NKAIN3: variants seen among roughly 807,000 people sequenced by gnomAD.
NKAIN3 encodes sodium/potassium-transporting ATPase subunit beta-1-interacting protein 3.
In NKAIN3, 25 loss-of-function variants were observed where a neutral mutation model predicts 30.2. The observed-to-expected ratio is 0.83, with a 90% CI of 0.60 to 1.16. The LOEUF (loss-of-function observed/expected upper bound fraction) is 1.16, where lower values mean the gene tolerates loss of function less well. Among genes scored for constraint, NKAIN3 ranks in the 50% most tolerant of loss-of-function variants. The pLI, the probability that NKAIN3 is intolerant of heterozygous loss-of-function variation, is 0.00. For missense variants in NKAIN3, 225 were observed against 254.1 expected (o/e 0.89, Z 0.78); for synonymous variants, 91 against 89.6 (o/e 1.02, Z -0.09).
At chr8:62,478,284 G>A (rs547049131) in intron 1 of NKAIN3, among the ~76,000 whole-genome samples, 12 of 152,274 alleles carry the variant, frequency 7.9e-5, no homozygotes, top group Non-Finnish European at 1.6e-4. Flanking sequence ...AAACCAAGGT[G>A]ACACAGGTCC....
At chr8:62,494,615 T>C in intron 1 of NKAIN3, among the ~76,000 whole-genome samples, 1 of 152,156 alleles carries the variant, frequency 6.6e-6, no homozygotes, top group Non-Finnish European at 1.5e-5. Context: ...CTTGTACATC[T>C]GGTAGAACTT....
chr8:62,291,179 C>A (rs986708114), intron 1 of NKAIN3, among the ~76,000 whole-genome samples: 1 of 152,040 alleles, frequency 6.6e-6, no homozygotes, highest in African/African-American at 2.4e-5. Flanking sequence ...TTGATCTTTT[C>A]AAAAAACCAG....
intron 4 of NKAIN3, among the ~76,000 whole-genome samples, chr8:62,881,619 C>T (rs1820984973): frequency 6.6e-6 from 1 of 152,216 alleles, no homozygotes; most frequent in Admixed American, 6.5e-5. Context: ...AGATATACCA[C>T]AGTTTATCCA....
chr8:62,615,091 A>G (rs1005924084), intron 3 of NKAIN3, among the ~76,000 whole-genome samples: 3 of 152,200 alleles, frequency 2.0e-5, no homozygotes, highest in Non-Finnish European at 2.9e-5. Flanking sequence ...TAGCCACCAC[A>G]GCTGGTAGTG....
At chr8:62,612,390 T>G (rs774966449) in intron 3 of NKAIN3, among the ~76,000 whole-genome samples, 16 of 152,018 alleles carry the variant, frequency 1.1e-4, no homozygotes, top group South Asian at 2.1e-4. Context: ...CTCCCTATAG[T>G]TTTTGTCTTG....
intron 1 of NKAIN3, among the ~76,000 whole-genome samples, chr8:62,261,120 C>T (rs1368955403): frequency 1.3e-5 from 2 of 152,040 alleles, no homozygotes; most frequent in Non-Finnish European, 2.9e-5. Context: ...AGTTTTTTTC[C>T]TTGTACCAAA....
intron 4 of NKAIN3, among the ~76,000 whole-genome samples, chr8:62,821,258 AT>A (rs1818839922): frequency 6.6e-6 from 1 of 152,208 alleles, no homozygotes; most frequent in Non-Finnish European, 1.5e-5. Context: ...CATTATTAAA[AT>A]AGAAACACAA....
At chr8:62,909,696 A>G (rs201848048) in intron 4 of NKAIN3, among the ~76,000 whole-genome samples, 1 of 93,194 alleles carries the variant, frequency 1.1e-5, no homozygotes, top group Non-Finnish European at 2.2e-5. Flanking sequence ...GTTAATCACA[A>G]TAGCAAAAGT....
intron 5 of NKAIN3, among the ~76,000 whole-genome samples, chr8:62,941,597 G>A (rs1383872910): frequency 6.6e-6 from 1 of 152,140 alleles, no homozygotes; most frequent in African/African-American, 2.4e-5. Context: ...CACAGGGATG[G>A]TTTAACATAT....
At chr8:62,667,434 G>T (rs1271728647) in intron 3 of NKAIN3, among the ~76,000 whole-genome samples, 1 of 147,470 alleles carries the variant, frequency 6.8e-6, no homozygotes, top group Non-Finnish European at 1.5e-5. Flanking sequence ...AACCAAAAAT[G>T]AGGACCAACC....
rs141408885 is a variant in NKAIN3, at chr8:62,949,559, C to T, written c.533-4343C>T. 4.6e-5 allele frequency among the ~76,000 whole-genome samples: 7 copies of T among 152,220 alleles called. No individual in the cohort carries two copies. The East Asian group carries it at 1.4e-3, about 29-fold the overall frequency. On this transcript the variant is annotated intron_variant, in intron 5 of 6. Coordinates refer to ENST00000623646, the MANE Select transcript of NKAIN3 (RefSeq NM_001304533.3). Reference sequence around the variant, plus strand: ...GCTCGGCTGTGCTCCTGGAAGTTGGCACAGGAAGAAGATTTGAAAGGACTG... The same window carrying T: ...GCTCGGCTGTGCTCCTGGAAGTTGGTACAGGAAGAAGATTTGAAAGGACTG...
chr8:62,422,769 A>G (rs1415667816), intron 1 of NKAIN3, among the ~76,000 whole-genome samples: 1 of 152,068 alleles, frequency 6.6e-6, no homozygotes, highest in Non-Finnish European at 1.5e-5. Flanking sequence ...ACAATCCACT[A>G]TTATCTCTAC....
chr8:62,753,133 C>G (rs1257623631), intron 4 of NKAIN3, among the ~76,000 whole-genome samples: 1 of 151,846 alleles, frequency 6.6e-6, no homozygotes, highest in Non-Finnish European at 1.5e-5. Flanking sequence ...TAGTTGAATT[C>G]TAAGCACTGT....
intron 1 of NKAIN3, among the ~76,000 whole-genome samples, chr8:62,419,976 C>A (rs1451543019): frequency 6.6e-6 from 1 of 152,094 alleles, no homozygotes; most frequent in Non-Finnish European, 1.5e-5. Flanking sequence ...GTGAAGGACA[C>A]TTCTATATAA....
chr8:62,395,811 T>C (rs1387610678), intron 1 of NKAIN3, among the ~76,000 whole-genome samples: 1 of 152,192 alleles, frequency 6.6e-6, no homozygotes, highest in African/African-American at 2.4e-5. Flanking sequence ...AAGATAGAAA[T>C]ACTTGAGCAA....
intron 1 of NKAIN3, among the ~76,000 whole-genome samples, chr8:62,479,918 G>T (rs1033327467): frequency 6.6e-6 from 1 of 152,102 alleles, no homozygotes; most frequent in Non-Finnish European, 1.5e-5. Flanking sequence ...AAAGGTAAAA[G>T]AATAGGAAAA....
intron 1 of NKAIN3, among the ~76,000 whole-genome samples, chr8:62,353,778 A>G (rs868184944): frequency 6.6e-6 from 1 of 152,210 alleles, no homozygotes; most frequent in Non-Finnish European, 1.5e-5. Context: ...CTTATCCCAT[A>G]TGGAGAATAA....
chr8:62,839,759 G>T (rs1171948855), intron 4 of NKAIN3, among the ~76,000 whole-genome samples: 1 of 151,842 alleles, frequency 6.6e-6, no homozygotes, highest in Admixed American at 6.6e-5. Flanking sequence ...GGTACTACAG[G>T]TGTGTGCCAC....
intron 4 of NKAIN3, chr8:62,864,254 C>A: frequency 1.1e-6 from 1 of 939,370 alleles, no homozygotes; most frequent in Non-Finnish European, 1.7e-6. Flanking sequence ...AGGAGGCGGC[C>A]GAGGCAGACG....
Sources: gnomAD v4.1 joint callset for allele counts (sites outside exome capture counted in the v4.1 genomes callset) on GRCh38, gnomAD v4.1.1 for gene constraint, MANE v1.5 for transcripts, NCBI Gene and HGNC (gene_info 2026-07-23, HGNC 2026-07-21) for gene names.